CLASP1: variants seen among roughly 807,000 people sequenced by gnomAD.
The protein encoded by CLASP1 is CLIP-associating protein 1.
A neutral mutation model predicts 192.3 loss-of-function variants in CLASP1; 38 were observed. The ratio of observed to expected loss-of-function variants is 0.20; its 90% CI spans 0.15 to 0.26. CLASP1 has a LOEUF of 0.26. Among genes scored for constraint, CLASP1 ranks in the 10% least tolerant of loss-of-function variants. The pLI is 1.00. For synonymous variants in CLASP1, 691 were observed against 712.8 expected, an observed-to-expected ratio of 0.97 and a Z score of 0.49; for missense variants, 1,433 against 1,932.5, an observed-to-expected ratio of 0.74 and a Z score of 4.85.
At chr2:121,445,554 G>A in intron 19 of CLASP1, 1 of 959,886 alleles carries the variant, frequency 1.0e-6, no homozygotes, top group Non-Finnish European at 1.4e-6. Flanking sequence ...AAGATGTCAT[G>A]TGTCAACCTA....
intron 34 of CLASP1, among the ~76,000 whole-genome samples, chr2:121,376,290 CAA>C (rs2070106581): frequency 6.6e-6 from 1 of 152,058 alleles, no homozygotes; most frequent in African/African-American, 2.4e-5. Flanking sequence ...TGTCCCTCAA[CAA>C]ATGAATGCAT....
chr2:121,576,186 TAA>T (rs1487657100), intron 2 of CLASP1, among the ~76,000 whole-genome samples: 1 of 152,072 alleles, frequency 6.6e-6, no homozygotes, highest in African/African-American at 2.4e-5. Flanking sequence ...GTGTTACAGG[TAA>T]AATTTTTTTT....
At position 121,625,661 on chromosome 2, in the gene CLASP1, T is replaced by C. The variant is rs1358089499; in HGVS notation, c.-285-19481A>G. Reference sequence around the variant, plus strand: ...ATTGGCCAGGCTGGTCTTGAACTCCTGACCTCAGGTGATCTGCCCGCCTTG... The same window carrying C: ...ATTGGCCAGGCTGGTCTTGAACTCCCGACCTCAGGTGATCTGCCCGCCTTG... On this transcript the variant is annotated intron_variant, in intron 1 of 39. Coordinates refer to ENST00000263710, the Ensembl canonical transcript of CLASP1. 2.6e-5 allele frequency among the ~76,000 whole-genome samples: 4 copies of C among 151,706 alleles called. No individual in the cohort carries two copies. In the East Asian group the frequency reaches 7.9e-4, roughly 30 times the overall value.
At chr2:121,557,213 T>A (rs892992199) in intron 2 of CLASP1, among the ~76,000 whole-genome samples, 1 of 152,232 alleles carries the variant, frequency 6.6e-6, no homozygotes, top group African/African-American at 2.4e-5. Flanking sequence ...TCAGTTCAGA[T>A]GATAAGTTTT....
chr2:121,513,767 A>G (rs1006468567), intron 7 of CLASP1, among the ~76,000 whole-genome samples: 1 of 152,210 alleles, frequency 6.6e-6, no homozygotes, highest in Admixed American at 6.5e-5. Flanking sequence ...GACACATTTA[A>G]TCCCTCAGCA....
At position 121,438,675 on chromosome 2, in the gene CLASP1, G is replaced by A. The variant is rs1403080353; in HGVS notation, c.1913-8498C>T. On this transcript the variant is annotated intron_variant, in intron 19 of 39. Coordinates refer to ENST00000263710, the Ensembl canonical transcript of CLASP1. Reference sequence around the variant, plus strand: ...TGAACCAGCCTTGCATCCCAGGGATGAAGCCCACTTGATCATGGTGGATAA... The same window carrying A: ...TGAACCAGCCTTGCATCCCAGGGATAAAGCCCACTTGATCATGGTGGATAA... 2.0e-5 allele frequency among the ~76,000 whole-genome samples: 3 copies of A among 152,202 alleles called. No homozygotes were observed. In the East Asian group the frequency reaches 5.8e-4, roughly 29 times the overall value.
intron 23 of CLASP1, among the ~76,000 whole-genome samples, chr2:121,412,034 A>G (rs2077787291): frequency 6.6e-6 from 1 of 152,228 alleles, no homozygotes; most frequent in Non-Finnish European, 1.5e-5. Context: ...AGGGAAGCTA[A>G]TATCTATTTT....
chr2:121,394,916 G>A (rs2075026066), intron 30 of CLASP1, among the ~76,000 whole-genome samples: 2 of 152,182 alleles, frequency 1.3e-5, no homozygotes, highest in Admixed American at 6.5e-5. Flanking sequence ...TTTTTAGTTT[G>A]TTGGGCTACT....
intron 2 of CLASP1, among the ~76,000 whole-genome samples, chr2:121,600,995 A>C (rs2063719158): frequency 6.6e-6 from 1 of 152,210 alleles, no homozygotes; most frequent in Admixed American, 6.5e-5. Flanking sequence ...CTTCTGAGAA[A>C]GGTTTCCTTC....
chr2:121,414,837 G>A (rs1304616101), intron 23 of CLASP1, among the ~76,000 whole-genome samples: 1 of 152,194 alleles, frequency 6.6e-6, no homozygotes, highest in African/African-American at 2.4e-5. Context: ...AGGCTGAAGT[G>A]CAATGGCACA....
intron 34 of CLASP1, among the ~76,000 whole-genome samples, chr2:121,370,276 G>GT (rs2068343507): frequency 1.3e-5 from 2 of 152,156 alleles, no homozygotes; most frequent in South Asian, 4.1e-4. Context: ...TAAACATATG[G>GT]TAAGTGGTGG....
intron 37 of CLASP1, among the ~76,000 whole-genome samples, chr2:121,357,888 T>C (rs371617166): frequency 6.6e-6 from 1 of 152,176 alleles, no homozygotes; most frequent in African/African-American, 2.4e-5. Context: ...TAGCTAAAGT[T>C]CTCTCCCTAT....
intron 7 of CLASP1, among the ~76,000 whole-genome samples, chr2:121,509,022 T>A (rs1048037848): frequency 1.3e-5 from 2 of 152,172 alleles, no homozygotes; most frequent in Admixed American, 6.5e-5. Flanking sequence ...GAGAAATAGA[T>A]AATTCAACAG....
At chr2:121,534,529 T>G (rs1204215841) in intron 2 of CLASP1, among the ~76,000 whole-genome samples, 1 of 152,110 alleles carries the variant, frequency 6.6e-6, no homozygotes, top group Non-Finnish European at 1.5e-5. Context: ...AAAATTTTCT[T>G]TTGTTGTTGT....
intron 2 of CLASP1, among the ~76,000 whole-genome samples, chr2:121,550,017 A>C (rs542802049): frequency 1.3e-4 from 19 of 151,636 alleles, no homozygotes; most frequent in African/African-American, 3.9e-4. Context: ...AAAAAAAAAA[A>C]AAAAAAAAAA....
chr2:121,397,679 T>A (rs2075518452), intron 29 of CLASP1, among the ~76,000 whole-genome samples: 1 of 152,174 alleles, frequency 6.6e-6, no homozygotes, highest in Non-Finnish European at 1.5e-5. Context: ...TAAGGCAGCA[T>A]TTTCAGTAAT....
intron 2 of CLASP1, among the ~76,000 whole-genome samples, chr2:121,558,689 G>A (rs904531583): frequency 2.0e-5 from 3 of 152,070 alleles, no homozygotes; most frequent in African/African-American, 7.2e-5. Flanking sequence ...TGGCCCTCAC[G>A]CCTATAAGAA....
chr2:121,342,773 C>T (rs925999520), intron 39 of CLASP1, among the ~76,000 whole-genome samples: 10 of 152,026 alleles, frequency 6.6e-5, no homozygotes, highest in African/African-American at 2.4e-4. Flanking sequence ...CCTATCTCTA[C>T]AAAAAATTTA....
chr2:121,427,275 AAGAAAAACGC>A lies in CLASP1; in HGVS notation c.2044+119_2044+128del, dbSNP rs2080570823. ...TTTCAAACTCTAGAATTTGAACACA[AAGAAAAACGC>A]AGAAAGATTAACTAAGCTTACAATA... On this transcript the variant is annotated intron_variant, in intron 21 of 39. Coordinates refer to ENST00000263710, the Ensembl canonical transcript of CLASP1. 1.3e-5 allele frequency: 16 copies of A among 1,199,958 alleles called. No homozygotes were observed. In the East Asian group the frequency reaches 4.1e-4, roughly 31 times the overall value. 74.3% of individuals were successfully genotyped at this position (1,199,958 alleles called of 1,614,324 possible). A position where few individuals can be genotyped will look rare whatever the true frequency, so the allele number is the denominator to read the frequency against.
Sources: allele counts gnomAD v4.1 joint callset (sites outside exome capture counted in the v4.1 genomes callset), GRCh38; gene constraint gnomAD v4.1.1; transcripts MANE v1.5; gene names NCBI Gene and HGNC (gene_info 2026-07-23, HGNC 2026-07-21).